ZC3H12B: variants seen among roughly 807,000 people sequenced by gnomAD.
ZC3H12B encodes probable ribonuclease ZC3H12B.
A neutral mutation model predicts 43.9 loss-of-function variants in ZC3H12B; 7 were observed. That is an observed-to-expected ratio of 0.16 (90% confidence interval 0.09 to 0.30). ZC3H12B has a LOEUF of 0.30. Ranked by LOEUF, ZC3H12B falls within the 10% of genes least tolerant of loss-of-function variation. ZC3H12B has a pLI of 1.00. For synonymous variants in ZC3H12B, 222 were observed against 241.7 expected (o/e 0.92, Z 0.76); for missense variants, 475 against 670.2 (o/e 0.71, Z 3.22).
the ZC3H12B span, among the ~76,000 whole-genome samples, chrX:65,203,144 C>A: frequency 4.5e-5 from 5 of 111,930 alleles, no homozygotes; most frequent in African/African-American, 1.6e-4. Flanking sequence ...GCAGTGAGCC[C>A]CTCTCTGCCT....
the ZC3H12B span, among the ~76,000 whole-genome samples, chrX:65,222,449 G>C: frequency 9.1e-6 from 1 of 109,939 alleles, no homozygotes; most frequent in African/African-American, 3.3e-5. Flanking sequence ...AAATTCTAAA[G>C]ACTTATCCAA....
chrX:65,346,357 A>G, the ZC3H12B span, among the ~76,000 whole-genome samples: 7 of 111,246 alleles, frequency 6.3e-5, no homozygotes, highest in African/African-American at 1.6e-4. Context: ...GACAAACTCA[A>G]TAAAAGCAAG....
chrX:65,252,590 A>G, the ZC3H12B span, among the ~76,000 whole-genome samples: 1 of 111,891 alleles, frequency 8.9e-6, no homozygotes, highest in African/African-American at 3.2e-5. Flanking sequence ...AGGGCTGCAT[A>G]GTGAACTCAG....
At chrX:65,198,693 T>A in the ZC3H12B span, among the ~76,000 whole-genome samples, 1 of 111,914 alleles carries the variant, frequency 8.9e-6, no homozygotes. Context: ...TTGGATTAAA[T>A]TTGCTTGCTG....
At chrX:65,473,000 A>ATATATATATATATATATATG (rs2067946639) in intron 3 of ZC3H12B, among the ~76,000 whole-genome samples, 8 of 78,613 alleles carry the variant, frequency 1.0e-4, no homozygotes, top group African/African-American at 6.1e-4. Context: ...ATATATATGT[A>ATATATATATATATATATATG]TATATATATA....
the ZC3H12B span, among the ~76,000 whole-genome samples, chrX:65,309,043 T>G: frequency 9.1e-6 from 1 of 110,273 alleles, no homozygotes; most frequent in African/African-American, 3.3e-5. Context: ...GCAGGAAAGA[T>G]CTAAAATCAA....
At chrX:65,174,129 G>C in the ZC3H12B span, among the ~76,000 whole-genome samples, 6 of 110,831 alleles carry the variant, frequency 5.4e-5, no homozygotes, top group Non-Finnish European at 3.8e-5. Context: ...ATCCCAGAGG[G>C]GCACCAGCCT....
the ZC3H12B span, among the ~76,000 whole-genome samples, chrX:65,105,740 A>C: frequency 9.0e-6 from 1 of 111,601 alleles, no homozygotes; most frequent in South Asian, 3.7e-4. Flanking sequence ...GTAGCCATTC[A>C]TGTGGTGTCA....
chrX:65,435,907 G>A (rs775231110), intron 3 of ZC3H12B, among the ~76,000 whole-genome samples: 24 of 112,041 alleles, frequency 2.1e-4, no homozygotes, highest in African/African-American at 5.5e-4. Flanking sequence ...ATGGGGAGCC[G>A]CTCATGCAGG....
At chrX:65,281,231 C>CTTT in the ZC3H12B span, among the ~76,000 whole-genome samples, 4 of 90,364 alleles carry the variant, frequency 4.4e-5, no homozygotes, top group Admixed American at 1.2e-4. Context: ...TATAGCCAAA[C>CTTT]TTTTTTTTTT....
At chrX:65,260,591 T>A in the ZC3H12B span, among the ~76,000 whole-genome samples, 1 of 112,033 alleles carries the variant, frequency 8.9e-6, no homozygotes, top group Non-Finnish European at 1.9e-5. Flanking sequence ...AGACAAAGAA[T>A]AACAGATATT....
the ZC3H12B span, among the ~76,000 whole-genome samples, chrX:65,326,023 C>A: frequency 9.0e-6 from 1 of 111,362 alleles, no homozygotes; most frequent in Non-Finnish European, 1.9e-5. Context: ...AAAATTTGAC[C>A]CTTGTCTGAC....
At chrX:65,192,356 CT>C in the ZC3H12B span, among the ~76,000 whole-genome samples, 1 of 110,830 alleles carries the variant, frequency 9.0e-6, no homozygotes, top group Non-Finnish European at 1.9e-5. Context: ...TTTTTGTTGT[CT>C]GATTGCTCTA....
At chrX:65,453,575 A>G (rs1189192188) in intron 3 of ZC3H12B, among the ~76,000 whole-genome samples, 1 of 104,744 alleles carries the variant, frequency 9.5e-6, no homozygotes, top group Non-Finnish European at 2.0e-5. Context: ...TACAAAAATC[A>G]TCTGGGTGTG....
the ZC3H12B span, among the ~76,000 whole-genome samples, chrX:65,184,464 A>G: frequency 9.0e-6 from 1 of 111,416 alleles, no homozygotes; most frequent in East Asian, 2.8e-4. Context: ...AATACTTACC[A>G]ACTGACTGAA....
At chrX:65,408,428 A>G in intron 3 of ZC3H12B, 1 of 1,208,999 alleles carries the variant, frequency 8.3e-7, no homozygotes, top group Non-Finnish European at 1.1e-6. Flanking sequence ...ACAGGTGACC[A>G]TGGCAGAGTT....
the ZC3H12B span, among the ~76,000 whole-genome samples, chrX:65,200,575 G>A: frequency 1.9e-5 from 2 of 107,614 alleles, no homozygotes; most frequent in African/African-American, 6.8e-5. Flanking sequence ...TGGGACTACA[G>A]GTGCACACCA....
the ZC3H12B span, among the ~76,000 whole-genome samples, chrX:65,225,430 CAG>C: frequency 6.2e-5 from 7 of 112,116 alleles, no homozygotes; most frequent in African/African-American, 1.9e-4. Context: ...GGGGAAAAAA[CAG>C]AGCAGAAAAA....
chrX:65,501,213 G>A (rs1281421063), intron 4 of ZC3H12B, among the ~76,000 whole-genome samples: 1 of 103,337 alleles, frequency 9.7e-6, no homozygotes, highest in Non-Finnish European at 2.0e-5. Flanking sequence ...GTACATTATC[G>A]AAAAATTAAA....
Sources: gnomAD v4.1 joint callset for allele counts (sites outside exome capture counted in the v4.1 genomes callset) on GRCh38, gnomAD v4.1.1 for gene constraint, MANE v1.5 for transcripts, NCBI Gene and HGNC (gene_info 2026-07-23, HGNC 2026-07-21) for gene names.